KIAA1671: variants seen among roughly 807,000 people sequenced by gnomAD.
KIAA1671 encodes KIAA1671.
A neutral mutation model predicts 131.2 loss-of-function variants in KIAA1671; 52 were observed. That is an observed-to-expected ratio of 0.40 (90% CI 0.32 to 0.50). The LOEUF (loss-of-function observed/expected upper bound fraction) is 0.50, where lower values mean the gene tolerates loss of function less well. Among genes scored for constraint, KIAA1671 ranks in the 20% least tolerant of loss-of-function variants. KIAA1671 has a pLI of 0.73. For missense variants in KIAA1671, 2,360 were observed against 2,364.2 expected (o/e 1.00, Z 0.04); for synonymous variants, 1,003 against 961.6 (o/e 1.04, Z -0.80).
Position 25,197,314 on chromosome 22 carries a change from G to C in KIAA1671, c.*4913G>C, listed in dbSNP as rs753384662. 1 of 152,194 alleles carries C rather than the reference G, an allele frequency of 6.6e-6. No homozygotes were observed. The highest frequency in any genetic ancestry group is 1.5e-5 in the Non-Finnish European group (1 of 68,038). 9.4% of individuals were successfully genotyped at this position (152,194 alleles called of 1,614,324 possible). ...TTTTATATTTTGTAACTGTAAAGAAGTTTCATATGCACAGAAGAGCAGTTG... is the reference window on the plus strand; with the variant it reads ...TTTTATATTTTGTAACTGTAAAGAACTTTCATATGCACAGAAGAGCAGTTG... On this transcript the variant is annotated 3_prime_UTR_variant, in exon 13 of 13. Transcript: ENST00000358431.
intron 10 of KIAA1671, among the ~76,000 whole-genome samples, chr22:25,182,922 A>G (rs1442340977): frequency 6.6e-6 from 1 of 152,156 alleles, no homozygotes; most frequent in African/African-American, 2.4e-5. Context: ...CAGTCTCCCA[A>G]ATTGCACCAG....
chr22:25,039,491 A>G lies in KIAA1671; in HGVS notation c.2361A>G (p.Glu787=). 6.4e-7 allele frequency: 1 copy of G among 1,551,818 alleles called. No homozygotes were observed. Among genetic ancestry groups the G allele is most frequent in the Non-Finnish European group, 8.7e-7 (1 of 1,147,008 alleles). Reference sequence around the variant, plus strand: ...CTGCTGACCTGGAGTGTGGTTTGGAAGGTCAGGCGGGGTCCGTCCAAAGGG... The same window carrying G: ...CTGCTGACCTGGAGTGTGGTTTGGAGGGTCAGGCGGGGTCCGTCCAAAGGG... The part of the protein sequence containing the change: ...VTPADLECGL[E]GQAGSVQRAS... The change falls in exon 5 of 13, where the codon GAA becomes GAG. Residue 787 remains glutamate, a synonymous_variant. Transcript: ENST00000358431.
intron 1 of KIAA1671, among the ~76,000 whole-genome samples, chr22:24,968,691 G>A (rs558298782): frequency 6.6e-6 from 1 of 152,250 alleles, no homozygotes; most frequent in African/African-American, 2.4e-5. Context: ...GGAGCTGTCT[G>A]GAGTACTGAG....
chr22:25,003,569 G>A (rs981793905), intron 1 of KIAA1671, among the ~76,000 whole-genome samples: 6 of 151,684 alleles, frequency 4.0e-5, no homozygotes, highest in Non-Finnish European at 2.9e-5. Context: ...CTGCCACTAC[G>A]CCTGGCTAAT....
chr22:25,032,805 C>A, intron 4 of KIAA1671, 109 bp downstream of exon 4: 1 of 564,974 alleles, frequency 1.8e-6, no homozygotes, highest in Non-Finnish European at 3.1e-6. Flanking sequence ...AGAAACATGT[C>A]ATGCACACGA....
At chr22:25,130,667 A>G (rs1358594982) in intron 6 of KIAA1671, among the ~76,000 whole-genome samples, 1 of 152,222 alleles carries the variant, frequency 6.6e-6, no homozygotes, top group Non-Finnish European at 1.5e-5. Context: ...GATGAGTTCT[A>G]CACTCCCTGC....
At chr22:25,125,012 G>A (rs1932112023) in intron 6 of KIAA1671, among the ~76,000 whole-genome samples, 1 of 152,160 alleles carries the variant, frequency 6.6e-6, no homozygotes, top group South Asian at 2.1e-4. Flanking sequence ...TCCTGCTTCA[G>A]CCTCCCAAAG....
At chr22:25,131,319 G>C (rs1199704743) in intron 6 of KIAA1671, among the ~76,000 whole-genome samples, 2 of 152,198 alleles carry the variant, frequency 1.3e-5, no homozygotes, top group Non-Finnish European at 2.9e-5. Flanking sequence ...GTTTTGCACA[G>C]GTTTGGGGCT....
At chr22:24,963,364 C>CAA (rs766667437) in intron 1 of KIAA1671, among the ~76,000 whole-genome samples, 165 of 46,166 alleles carry the variant, frequency 3.6e-3, no homozygotes, top group African/African-American at 6.7e-3. Context: ...AACTCCATCT[C>CAA]AAAAAAAAAA....
chr22:25,083,660 T>A (rs1929530236), intron 6 of KIAA1671, among the ~76,000 whole-genome samples: 1 of 152,188 alleles, frequency 6.6e-6, no homozygotes, highest in Non-Finnish European at 1.5e-5. Context: ...GCCTGCACTG[T>A]GTTAGTTTAT....
chr22:25,049,384 T>C lies in KIAA1671; in HGVS notation c.4530+20T>C. 6.5e-7 allele frequency: 1 copy of C among 1,544,676 alleles called. No individual in the cohort carries two copies. Among genetic ancestry groups the C allele is most frequent in the Non-Finnish European group, 8.8e-7 (1 of 1,141,552 alleles). ...TTTGTGGTGAGTGATGCAACATGGC[T>C]GGAGAGGATTGCACAGGGGTGCTGG... On this transcript the variant is annotated intron_variant, in intron 6 of 12. Coordinates refer to ENST00000358431, the MANE Select transcript of KIAA1671 (RefSeq NM_001145206.2).
intron 6 of KIAA1671, among the ~76,000 whole-genome samples, chr22:25,166,286 C>A (rs1308491307): frequency 6.6e-6 from 1 of 152,104 alleles, no homozygotes; most frequent in Admixed American, 6.5e-5. Flanking sequence ...AGGGAGAAAA[C>A]CCATCCATCC....
intron 6 of KIAA1671, among the ~76,000 whole-genome samples, chr22:25,150,817 CTG>C (rs1933009565): frequency 6.8e-6 from 1 of 147,736 alleles, no homozygotes; most frequent in Admixed American, 6.7e-5. Flanking sequence ...TGGTTTATGA[CTG>C]TGTTCTGGGT....
At chr22:25,032,719 G>A (rs1926358757) in intron 4 of KIAA1671, 23 bp downstream of exon 4, 16 of 1,470,674 alleles carry the variant, frequency 1.1e-5, no homozygotes, top group Admixed American at 1.0e-4. Context: ...TGTGTAGCAC[G>A]TCTCTCATTA....
At chr22:25,188,450 GTGTGT>G (rs1568999468) in intron 11 of KIAA1671, among the ~76,000 whole-genome samples, 17 of 20,750 alleles carry the variant, frequency 8.2e-4, no homozygotes, top group African/African-American at 4.3e-3. Context: ...CCAATCGGGT[GTGTGT>G]GTGTGTGTGT....
chr22:25,105,460 G>GA (rs1930949083), intron 6 of KIAA1671, among the ~76,000 whole-genome samples: 1 of 152,144 alleles, frequency 6.6e-6, no homozygotes, highest in Non-Finnish European at 1.5e-5. Flanking sequence ...AATTATGTAA[G>GA]AAAAAGATGG....
intron 1 of KIAA1671, among the ~76,000 whole-genome samples, chr22:25,001,215 GTA>G (rs1422396614): frequency 3.8e-5 from 5 of 131,220 alleles, no homozygotes; most frequent in African/African-American, 1.2e-4. Context: ...GTATGTATGT[GTA>G]TATATGTATG....
intron 4 of KIAA1671, among the ~76,000 whole-genome samples, chr22:25,037,425 T>C (rs1926676561): frequency 6.6e-6 from 1 of 151,994 alleles, no homozygotes; most frequent in African/African-American, 2.4e-5. Flanking sequence ...TATATATGTG[T>C]GTGTATATAT....
At chr22:25,017,576 T>C (rs1335699962) in intron 1 of KIAA1671, among the ~76,000 whole-genome samples, 4 of 152,330 alleles carry the variant, frequency 2.6e-5, no homozygotes, top group East Asian at 1.9e-4. Flanking sequence ...TTGCATGATA[T>C]AAATGTACTA....
Sources: allele counts gnomAD v4.1 joint callset (sites outside exome capture counted in the v4.1 genomes callset), GRCh38; gene constraint gnomAD v4.1.1; transcripts MANE v1.5; gene names NCBI Gene and HGNC (gene_info 2026-07-23, HGNC 2026-07-21).